MIPEP: variants seen among roughly 807,000 people sequenced by gnomAD.
The protein encoded by MIPEP is mitochondrial intermediate peptidase.
A neutral mutation model predicts 90.3 loss-of-function variants in MIPEP; 79 were observed. That is an observed-to-expected ratio of 0.87 (90% CI 0.73 to 1.05). The LOEUF is 1.05. Among genes scored for constraint, MIPEP ranks in the 50% least tolerant of loss-of-function variants. MIPEP has a pLI of 0.00. For missense variants in MIPEP, 940 were observed against 905.6 expected (o/e 1.04, Z -0.49); for synonymous variants, 334 against 315.8 (o/e 1.06, Z -0.61).
At chr13:23,787,543 C>T (rs1053136203) in intron 16 of MIPEP, among the ~76,000 whole-genome samples, 2 of 152,144 alleles carry the variant, frequency 1.3e-5, no homozygotes, top group African/African-American at 4.8e-5. Flanking sequence ...TCCCAAAGGT[C>T]CCACCTCCTC....
intron 16 of MIPEP, among the ~76,000 whole-genome samples, chr13:23,783,019 C>T (rs1452648333): frequency 6.6e-6 from 1 of 152,116 alleles, no homozygotes; most frequent in Non-Finnish European, 1.5e-5. Context: ...CTGAATTCTA[C>T]CAGAGGTACA....
intron 18 of MIPEP, among the ~76,000 whole-genome samples, chr13:23,753,526 A>G (rs996783948): frequency 2.6e-5 from 4 of 152,234 alleles, no homozygotes; most frequent in Admixed American, 2.0e-4. Flanking sequence ...GGATCACTCT[A>G]TGTAAAGTTA....
At chr13:23,823,727 C>T (rs924684852) in intron 14 of MIPEP, among the ~76,000 whole-genome samples, 1 of 152,238 alleles carries the variant, frequency 6.6e-6, no homozygotes, top group East Asian at 1.9e-4. Flanking sequence ...ACTTGGGAGG[C>T]TGGGGCAGGA....
At chr13:23,789,113 T>C (rs1952876201) in intron 16 of MIPEP, among the ~76,000 whole-genome samples, 1 of 152,222 alleles carries the variant, frequency 6.6e-6, no homozygotes, top group African/African-American at 2.4e-5. Context: ...TGGCCAATGT[T>C]GGGATTTTTA....
intron 2 of MIPEP, among the ~76,000 whole-genome samples, chr13:23,882,439 G>A (rs1871308133): frequency 6.6e-6 from 1 of 151,866 alleles, no homozygotes; most frequent in Non-Finnish European, 1.5e-5. Context: ...TAGTCTTTGT[G>A]CAGAAAACAA....
Position 23,839,761 on chromosome 13 carries a change from G to A in MIPEP, c.1261-35C>T, listed in dbSNP as rs201464498. ...AAAATTTAAATTTGGTGGTAAATGA[G>A]GCCATCTGATTCTCTAAAATCCCTA... On this transcript the variant is annotated intron_variant, in intron 11 of 18. Coordinates refer to ENST00000382172, the MANE Select transcript of MIPEP (RefSeq NM_005932.4). 2.7e-6 allele frequency: 4 copies of A among 1,476,448 alleles called. No individual in the cohort carries two copies. In the East Asian group the frequency reaches 9.1e-5, roughly 34 times the overall value. The allele number at this position is 1,476,448 out of a possible 1,614,324, so 91.5% of individuals were successfully genotyped here.
intron 16 of MIPEP, among the ~76,000 whole-genome samples, chr13:23,769,450 T>C (rs376353221): frequency 9.2e-5 from 14 of 152,334 alleles, no homozygotes; most frequent in African/African-American, 2.6e-4. Context: ...TGAGATTTTC[T>C]CTCCAGGCAT....
At chr13:23,749,757 C>A (rs944055526) in intron 18 of MIPEP, among the ~76,000 whole-genome samples, 1 of 152,190 alleles carries the variant, frequency 6.6e-6, no homozygotes, top group Non-Finnish European at 1.5e-5. Flanking sequence ...TGATATCACA[C>A]TCACCCTCCT....
chr13:23,812,893 A>T (rs894186267), intron 14 of MIPEP, among the ~76,000 whole-genome samples: 5 of 152,258 alleles, frequency 3.3e-5, no homozygotes, highest in Non-Finnish European at 7.3e-5. Context: ...TAAGTAGAGA[A>T]TAAGTACAAT....
intron 15 of MIPEP, among the ~76,000 whole-genome samples, chr13:23,808,828 G>A (rs1028844270): frequency 6.6e-5 from 10 of 152,166 alleles, no homozygotes; most frequent in Non-Finnish European, 1.3e-4. Flanking sequence ...ACTGAAACAT[G>A]TATTTCATGT....
chr13:23,875,026 A>AC (rs1871006434), intron 4 of MIPEP, 117 bp from the exon 5 acceptor site: 4 of 550,736 alleles, frequency 7.3e-6, no homozygotes, highest in Non-Finnish European at 1.2e-5. Flanking sequence ...AGTTTCTTCA[A>AC]AACACACACA....
intron 16 of MIPEP, among the ~76,000 whole-genome samples, chr13:23,762,708 G>C (rs1200142152): frequency 1.3e-5 from 2 of 152,198 alleles, no homozygotes; most frequent in African/African-American, 2.4e-5. Context: ...TCCTGTGCTG[G>C]GCAGGGGCAC....
chr13:23,768,839 C>T (rs1402583542), intron 16 of MIPEP, among the ~76,000 whole-genome samples: 1 of 152,116 alleles, frequency 6.6e-6, no homozygotes, highest in Non-Finnish European at 1.5e-5. Flanking sequence ...ATGCTAACCT[C>T]GACTGTTAAT....
intron 14 of MIPEP, among the ~76,000 whole-genome samples, chr13:23,812,845 A>G (rs1953190180): frequency 6.6e-6 from 1 of 152,224 alleles, no homozygotes; most frequent in Non-Finnish European, 1.5e-5. Context: ...TCTACTATAC[A>G]TTGTAATACA....
intron 16 of MIPEP, among the ~76,000 whole-genome samples, chr13:23,774,226 CT>C (rs903213802): frequency 4.0e-5 from 6 of 149,658 alleles, no homozygotes; most frequent in Admixed American, 1.3e-4. Flanking sequence ...AAATGTATGG[CT>C]TTTTTTTTTC....
intron 5 of MIPEP, among the ~76,000 whole-genome samples, chr13:23,871,900 C>A (rs1870824767): frequency 6.6e-6 from 1 of 151,668 alleles, no homozygotes; most frequent in South Asian, 2.1e-4. Flanking sequence ...AAATTGTCTT[C>A]AAAACTTTTA....
intron 9 of MIPEP, 79 bp downstream of exon 9, chr13:23,862,223 G>A: frequency 1.1e-6 from 1 of 877,968 alleles, no homozygotes; most frequent in Non-Finnish European, 1.8e-6. Context: ...CCTATCACAA[G>A]AAAGTTCCTG....
intron 18 of MIPEP, among the ~76,000 whole-genome samples, chr13:23,736,063 G>T (rs1952260527): frequency 1.3e-5 from 2 of 152,204 alleles, no homozygotes; most frequent in East Asian, 3.9e-4. Flanking sequence ...CTTAATTTTA[G>T]AAGGGTGACG....
intron 14 of MIPEP, among the ~76,000 whole-genome samples, chr13:23,828,204 C>T (rs776611083): frequency 2.6e-5 from 4 of 152,168 alleles, no homozygotes; most frequent in Non-Finnish European, 5.9e-5. Context: ...CTGATATCTC[C>T]AACAAACCTA....
Sources: gnomAD v4.1 joint callset for allele counts (sites outside exome capture counted in the v4.1 genomes callset) on GRCh38, gnomAD v4.1.1 for gene constraint, MANE v1.5 for transcripts, NCBI Gene and HGNC (gene_info 2026-07-23, HGNC 2026-07-21) for gene names.